The following RAPGEF4 variants were observed in gnomAD, a reference collection of about 807,000 sequenced individuals.
RAPGEF4 encodes RAP guanine-nucleotide-exchange factor (GEF) 4.
Under a neutral mutation model 147.9 loss-of-function variants are expected in RAPGEF4, and 66 were observed. That is an observed-to-expected ratio of 0.45 (90% CI 0.37 to 0.55). The LOEUF (loss-of-function observed/expected upper bound fraction) is 0.55, where lower values mean the gene tolerates loss of function less well. Among genes scored for constraint, RAPGEF4 ranks in the 20% least tolerant of loss-of-function variants. The pLI is 0.00. For missense variants in RAPGEF4, 1,071 were observed against 1,257.3 expected (o/e 0.85, Z 2.24); for synonymous variants, 419 against 442.7 (o/e 0.95, Z 0.67).
At chr2:173,045,218 A>G (rs1685311077) in intron 29 of RAPGEF4, among the ~76,000 whole-genome samples, 3 of 152,260 alleles carry the variant, frequency 2.0e-5, no homozygotes, top group Admixed American at 6.5e-5. Flanking sequence ...CTGTACGTGC[A>G]CAGAGCAGAA....
At chr2:172,904,200 T>C (rs1381965833) in intron 4 of RAPGEF4, among the ~76,000 whole-genome samples, 1 of 152,236 alleles carries the variant, frequency 6.6e-6, no homozygotes, top group African/African-American at 2.4e-5. Flanking sequence ...ATGTGAGTTT[T>C]AATTCAGAAT....
At chr2:172,974,902 T>C (rs1018653502) in intron 10 of RAPGEF4, among the ~76,000 whole-genome samples, 1 of 152,156 alleles carries the variant, frequency 6.6e-6, no homozygotes, top group Non-Finnish European at 1.5e-5. Context: ...ATTTTTGTCT[T>C]ATGTCCTGAG....
chr2:172,785,534 T>C (rs1430487080), intron 1 of RAPGEF4, among the ~76,000 whole-genome samples: 2 of 152,198 alleles, frequency 1.3e-5, no homozygotes, highest in African/African-American at 4.8e-5. Flanking sequence ...AATGCTAAAT[T>C]ACTGTTAAAA....
At chr2:172,934,899 G>A (rs759355672) in intron 6 of RAPGEF4, among the ~76,000 whole-genome samples, 12 of 152,164 alleles carry the variant, frequency 7.9e-5, no homozygotes, top group Non-Finnish European at 1.2e-4. Context: ...ACAAGAGGCC[G>A]GGGGTGGTAG....
chr2:172,975,321 G>A (rs552605602), intron 10 of RAPGEF4, among the ~76,000 whole-genome samples: 1 of 152,220 alleles, frequency 6.6e-6, no homozygotes, highest in South Asian at 2.1e-4. Flanking sequence ...ACTAATATTT[G>A]AATACCACTG....
At chr2:173,003,391 A>C (rs1694141889) in intron 17 of RAPGEF4, among the ~76,000 whole-genome samples, 1 of 152,160 alleles carries the variant, frequency 6.6e-6, no homozygotes, top group South Asian at 2.1e-4. Flanking sequence ...ATCCAGGGTG[A>C]CTGGGTATAA....
intron 23 of RAPGEF4, among the ~76,000 whole-genome samples, chr2:173,024,663 A>G (rs1299805291): frequency 6.6e-6 from 1 of 152,242 alleles, no homozygotes. Context: ...AATTTACCAG[A>G]GCTGGAAACA....
intron 4 of RAPGEF4, among the ~76,000 whole-genome samples, chr2:172,824,262 CT>C (rs1193128397): frequency 6.6e-6 from 1 of 152,322 alleles, no homozygotes; most frequent in Non-Finnish European, 1.5e-5. Context: ...TTTTGATAGA[CT>C]GATGAAGCCA....
intron 6 of RAPGEF4, among the ~76,000 whole-genome samples, chr2:172,949,217 A>C (rs1687977422): frequency 1.3e-5 from 2 of 152,190 alleles, no homozygotes; most frequent in Non-Finnish European, 2.9e-5. Flanking sequence ...TCTACATATT[A>C]ATCAAATAAA....
At chr2:172,895,922 A>G (rs908275242) in intron 4 of RAPGEF4, among the ~76,000 whole-genome samples, 1 of 152,252 alleles carries the variant, frequency 6.6e-6, no homozygotes, top group African/African-American at 2.4e-5. Flanking sequence ...CTGATTCCTT[A>G]CATTCCCATT....
intron 15 of RAPGEF4, among the ~76,000 whole-genome samples, chr2:172,996,099 C>T (rs34125188): frequency 0.19 from 28,614 of 152,160 alleles, 3,141 homozygotes; most frequent in Non-Finnish European, 0.25. Context: ...CACTTCCCCT[C>T]ACCAGCTCCC....
chr2:172,764,649 C>T (rs1016511675), intron 1 of RAPGEF4, among the ~76,000 whole-genome samples: 1 of 152,198 alleles, frequency 6.6e-6, no homozygotes, highest in South Asian at 2.1e-4. Context: ...AATTAAAGAG[C>T]ATCCATGCCT....
chr2:172,780,685 A>G (rs185616878), intron 1 of RAPGEF4, among the ~76,000 whole-genome samples: 51 of 152,238 alleles, frequency 3.4e-4, no homozygotes, highest in African/African-American at 1.2e-3. Flanking sequence ...TGATAGCGCT[A>G]TCTCATTTTT....
At chr2:172,785,713 T>C (rs1041133875) in intron 1 of RAPGEF4, among the ~76,000 whole-genome samples, 6 of 152,242 alleles carry the variant, frequency 3.9e-5, no homozygotes, top group East Asian at 1.9e-4. Context: ...AGTGTTATCA[T>C]AGTCTGCTAA....
At chr2:172,780,173 A>G (rs751598305) in intron 1 of RAPGEF4, among the ~76,000 whole-genome samples, 99 of 152,202 alleles carry the variant, frequency 6.5e-4, no homozygotes, top group Non-Finnish European at 1.2e-3. Context: ...AAGAAAAAAA[A>G]CAAACAGAAG....
chr2:172,909,720 C>T (rs1699927263), intron 4 of RAPGEF4, among the ~76,000 whole-genome samples: 1 of 152,172 alleles, frequency 6.6e-6, no homozygotes, highest in Non-Finnish European at 1.5e-5. Context: ...ACAGGCTTGG[C>T]AATCCCCTTA....
chr2:172,737,668 C>T (rs1171962229), intron 1 of RAPGEF4, among the ~76,000 whole-genome samples: 1 of 151,532 alleles, frequency 6.6e-6, no homozygotes, highest in African/African-American at 2.4e-5. Flanking sequence ...GCATGGTGCC[C>T]CCATTTAATG....
intron 4 of RAPGEF4, among the ~76,000 whole-genome samples, chr2:172,878,942 T>G (rs890397939): frequency 6.6e-6 from 1 of 152,180 alleles, no homozygotes; most frequent in African/African-American, 2.4e-5. Flanking sequence ...AAACAAGTAC[T>G]CTTGTACTCT....
chr2:172,944,066 A>T (rs536350048), intron 6 of RAPGEF4, among the ~76,000 whole-genome samples: 1 of 152,330 alleles, frequency 6.6e-6, no homozygotes, highest in South Asian at 2.1e-4. Context: ...CTTAATACAT[A>T]GATATTAAAT....
Sources: allele counts gnomAD v4.1 joint callset (sites outside exome capture counted in the v4.1 genomes callset), GRCh38; gene constraint gnomAD v4.1.1; transcripts MANE v1.5; gene names NCBI Gene and HGNC (gene_info 2026-07-23, HGNC 2026-07-21).